Variants in LRP2 observed in about 807,000 individuals in gnomAD.
LRP2 encodes low-density lipoprotein receptor-related protein 2.
Under a neutral mutation model 531.0 loss-of-function variants are expected in LRP2, and 172 were observed. That is an observed-to-expected ratio of 0.32 (90% CI 0.29 to 0.37). The LOEUF (loss-of-function observed/expected upper bound fraction) is 0.37, where lower values mean the gene tolerates loss of function less well. LRP2 is among the 10% of genes least tolerant of loss of function. LRP2 has a pLI of 1.00. For synonymous variants in LRP2, 1,992 were observed against 2,027.6 expected (o/e 0.98, Z 0.47); for missense variants, 5,167 against 5,868.3 (o/e 0.88, Z 3.90).
chr2:169,162,178 A>G (rs1686612561), intron 63 of LRP2, among the ~76,000 whole-genome samples: 1 of 152,202 alleles, frequency 6.6e-6, no homozygotes, highest in Admixed American at 6.5e-5. Context: ...CAACCTCTTA[A>G]TGACAGTAAG....
At chr2:169,352,745 A>G (rs1013449109) in intron 1 of LRP2, among the ~76,000 whole-genome samples, 9 of 152,118 alleles carry the variant, frequency 5.9e-5, no homozygotes, top group African/African-American at 2.2e-4. Flanking sequence ...GCAAACTAAC[A>G]TAGGAACAGA....
intron 52 of LRP2, among the ~76,000 whole-genome samples, chr2:169,179,882 T>C (rs553600103): frequency 6.9e-6 from 1 of 145,412 alleles, no homozygotes; most frequent in Non-Finnish European, 1.5e-5. Flanking sequence ...CTCCAAGAGG[T>C]AACCAATTTA....
At chr2:169,219,673 C>T (rs1379558206) in intron 34 of LRP2, among the ~76,000 whole-genome samples, 1 of 152,142 alleles carries the variant, frequency 6.6e-6, no homozygotes, top group Non-Finnish European at 1.5e-5. Context: ...ACAACAGACA[C>T]TGTGGACTAC....
chr2:169,254,956 C>G (rs1164978966), intron 19 of LRP2, among the ~76,000 whole-genome samples: 1 of 152,016 alleles, frequency 6.6e-6, no homozygotes, highest in Non-Finnish European at 1.5e-5. Flanking sequence ...ATCTCATGAG[C>G]ATTTTTTAAA....
intron 3 of LRP2, among the ~76,000 whole-genome samples, chr2:169,314,238 G>GA (rs909562811): frequency 1.2e-4 from 18 of 148,148 alleles, no homozygotes; most frequent in African/African-American, 2.0e-4. Context: ...TATCTTAAAA[G>GA]AAAAAAAAAA....
intron 30 of LRP2, 55 bp from the exon 31 acceptor site, chr2:169,231,897 C>A: frequency 1.3e-6 from 2 of 1,599,972 alleles, no homozygotes; most frequent in Non-Finnish European, 1.7e-6. Context: ...ACATTAAAAT[C>A]AAAACAGAGT....
intron 71 of LRP2, among the ~76,000 whole-genome samples, chr2:169,141,185 A>G (rs533386562): frequency 1.3e-5 from 2 of 152,302 alleles, no homozygotes; most frequent in East Asian, 3.9e-4. Flanking sequence ...TTACATGTGT[A>G]TATTATTTAA....
At chr2:169,200,178 G>A (rs1263869353) in intron 44 of LRP2, among the ~76,000 whole-genome samples, 3 of 152,206 alleles carry the variant, frequency 2.0e-5, no homozygotes. Flanking sequence ...GTGAACCCGG[G>A]AGGCAGAGCT....
chr2:169,347,908 A>G (rs1402943749), intron 1 of LRP2, among the ~76,000 whole-genome samples: 1 of 152,214 alleles, frequency 6.6e-6, no homozygotes, highest in Non-Finnish European at 1.5e-5. Context: ...CTCTGAAATG[A>G]GGTCATCTGA....
chr2:169,202,732 A>G (rs1183589494), intron 43 of LRP2, 24 bp downstream of exon 43: 1 of 1,613,136 alleles, frequency 6.2e-7, no homozygotes, highest in Admixed American at 1.7e-5. Context: ...AGCTCCTACC[A>G]AAAGCGCCAA....
At chr2:169,131,309 G>A (rs1041939694) in intron 77 of LRP2, among the ~76,000 whole-genome samples, 1 of 151,458 alleles carries the variant, frequency 6.6e-6, no homozygotes, top group Admixed American at 6.6e-5. Flanking sequence ...GAAGAAATAA[G>A]GGAATTTGAG....
rs765935016 is a variant in LRP2, at chr2:169,182,370, A to G, written c.9846-51T>C. Reference sequence around the variant, plus strand: ...CAATACAGTCACTTTGTGAAATGGTACATATTTAGCCACCCAGTTTCCTAC... The same window carrying G: ...CAATACAGTCACTTTGTGAAATGGTGCATATTTAGCCACCCAGTTTCCTAC... On this transcript the variant is annotated intron_variant, in intron 50 of 78. Transcript: ENST00000649046. 4 of 1,606,818 alleles carry G rather than the reference A, an allele frequency of 2.5e-6. No individual in the cohort carries two copies. In the African/African-American group the frequency reaches 5.3e-5, roughly 21 times the overall value.
At position 169,161,712 on chromosome 2, in the gene LRP2, G is replaced by A. The variant is rs554417667; in HGVS notation, c.11887+760C>T. ...TGTTCCTGAACTCCTGGGCTCAAGAGATTTGTCTGCCTCGGCCTCCCAAAG... is the reference window on the plus strand; with the variant it reads ...TGTTCCTGAACTCCTGGGCTCAAGAAATTTGTCTGCCTCGGCCTCCCAAAG... On this transcript the variant is annotated intron_variant, in intron 63 of 78. Coordinates refer to ENST00000649046, the MANE Select transcript of LRP2 (RefSeq NM_004525.3). Among the ~76,000 whole-genome samples, 11 of 152,230 alleles carry A rather than the reference G, an allele frequency of 7.2e-5. No homozygotes were observed. The East Asian group carries it at 2.1e-3, about 29-fold the overall frequency.
At chr2:169,317,084 A>G (rs974791278) in intron 3 of LRP2, among the ~76,000 whole-genome samples, 28 of 152,340 alleles carry the variant, frequency 1.8e-4, no homozygotes, top group African/African-American at 6.7e-4. Context: ...GAATTTTTAT[A>G]TCATTAAAAA....
intron 31 of LRP2, among the ~76,000 whole-genome samples, chr2:169,229,939 T>G (rs1202449692): frequency 6.6e-6 from 1 of 152,232 alleles, no homozygotes; most frequent in East Asian, 1.9e-4. Context: ...TCTAAACTTC[T>G]TGTTGGGGAA....
chr2:169,336,536 TCACACACA>T (rs61573424), intron 1 of LRP2, among the ~76,000 whole-genome samples: 4 of 145,998 alleles, frequency 2.7e-5, no homozygotes, highest in Non-Finnish European at 4.5e-5. Flanking sequence ...CAAGACTCCA[TCACACACA>T]CACACACACA....
intron 31 of LRP2, among the ~76,000 whole-genome samples, chr2:169,228,791 A>G (rs371693024): frequency 4.3e-4 from 65 of 152,324 alleles, no homozygotes; most frequent in African/African-American, 1.5e-3. Context: ...TGTGAGCATC[A>G]TGGTGGGGGA....
At chr2:169,172,704 T>G (rs1687048938) in intron 57 of LRP2, among the ~76,000 whole-genome samples, 1 of 152,186 alleles carries the variant, frequency 6.6e-6, no homozygotes, top group Admixed American at 6.5e-5. Flanking sequence ...TATCCTAATT[T>G]GGAAATATCC....
intron 61 of LRP2, 90 bp downstream of exon 61, chr2:169,168,449 C>T: frequency 6.6e-7 from 1 of 1,509,104 alleles, no homozygotes; most frequent in East Asian, 2.3e-5. Flanking sequence ...AATTGTACAA[C>T]TGCTCTCCAG....
Sources: allele counts gnomAD v4.1 joint callset (sites outside exome capture counted in the v4.1 genomes callset), GRCh38; gene constraint gnomAD v4.1.1; transcripts MANE v1.5; gene names NCBI Gene and HGNC (gene_info 2026-07-23, HGNC 2026-07-21).